Variants in SLC2A9 observed in about 807,000 individuals in gnomAD.
SLC2A9 encodes the protein solute carrier family 2, facilitated glucose transporter member 9.
Under a neutral mutation model 50.6 loss-of-function variants are expected in SLC2A9, and 39 were observed. The ratio of observed to expected loss-of-function variants is 0.77; its 90% CI spans 0.60 to 1.01. The LOEUF (loss-of-function observed/expected upper bound fraction) is 1.01. Ranked by LOEUF, SLC2A9 falls within the 50% of genes least tolerant of loss-of-function variation. The probability of loss-of-function intolerance (pLI) is 0.00; values close to 1 mark genes in which losing one functional copy is unlikely to be tolerated. For synonymous variants in SLC2A9, 324 were observed against 276.9 expected, an observed-to-expected ratio of 1.17 and a Z score of -1.69; for missense variants, 686 against 677.6, an observed-to-expected ratio of 1.01 and a Z score of -0.14.
chr4:10,006,922 A>G (rs79291612), intron 2 of SLC2A9, among the ~76,000 whole-genome samples: 4 of 151,596 alleles, frequency 2.6e-5, no homozygotes, highest in Admixed American at 6.6e-5. Flanking sequence ...CAAGTCTCTA[A>G]TGAGTTTCCT....
At chr4:9,978,541 A>G (rs1336351110) in intron 5 of SLC2A9, among the ~76,000 whole-genome samples, 1 of 152,236 alleles carries the variant, frequency 6.6e-6, no homozygotes, top group East Asian at 1.9e-4. Context: ...TGTTTTTATT[A>G]TCAACATGTG....
At chr4:9,784,701 T>G (rs142425831) in intron 3 of SLC2A9, among the ~76,000 whole-genome samples, 1 of 151,974 alleles carries the variant, frequency 6.6e-6, no homozygotes, top group African/African-American at 2.4e-5. Context: ...CCAAGGGGAG[T>G]GTTTTATTCC....
intron 7 of SLC2A9, among the ~76,000 whole-genome samples, chr4:9,909,039 C>G (rs13108825): frequency 0.4 from 60,814 of 152,022 alleles, 14,189 homozygotes; most frequent in Non-Finnish European, 0.52. Flanking sequence ...AGAAAAGGTC[C>G]CCACTACACA....
At chr4:9,804,038 A>C (rs989918646) in intron 3 of SLC2A9, among the ~76,000 whole-genome samples, 29 of 152,218 alleles carry the variant, frequency 1.9e-4, no homozygotes, top group African/African-American at 6.8e-4. Flanking sequence ...GTGCTCTGCA[A>C]AGTGATCTGA....
rs1324474542 is a variant in SLC2A9 at position 9,781,848 on chromosome 4, C to T, written n.386-1783G>A. 4 of 491,590 alleles carry T rather than the reference C, an allele frequency of 8.1e-6. No individual in the cohort carries two copies. In the East Asian group the frequency reaches 1.3e-4, roughly 16 times the overall value. 30.5% of individuals were successfully genotyped at this position (491,590 alleles called of 1,614,324 possible). A position where few individuals can be genotyped will look rare whatever the true frequency, so the allele number is the denominator to read the frequency against. ...CACGGCCATGGAGCCAGAGGCGCTTCAGGAGGCAAGAGAAGTCCCCGCGCG... is the reference window on the plus strand; with the variant it reads ...CACGGCCATGGAGCCAGAGGCGCTTTAGGAGGCAAGAGAAGTCCCCGCGCG... On this transcript the variant is annotated intron_variant and non_coding_transcript_variant, in intron 3 of 3. Transcript: ENST00000503803.
intron 2 of SLC2A9, among the ~76,000 whole-genome samples, chr4:10,010,025 A>AG (rs1761493986): frequency 6.6e-6 from 1 of 152,218 alleles, no homozygotes; most frequent in South Asian, 2.1e-4. Flanking sequence ...GTGTATGTTA[A>AG]CAAGATAACT....
chr4:9,970,681 A>T (rs74627835), intron 5 of SLC2A9, among the ~76,000 whole-genome samples: 3 of 51,350 alleles, frequency 5.8e-5, no homozygotes, highest in African/African-American at 3.0e-4. Flanking sequence ...ACACAAAATT[A>T]AAAAAAAAAA....
intron 10 of SLC2A9, among the ~76,000 whole-genome samples, chr4:9,855,565 A>T (rs767239618): frequency 6.6e-6 from 1 of 152,178 alleles, no homozygotes; most frequent in Non-Finnish European, 1.5e-5. Context: ...GATTCAATGC[A>T]ATTCATGTCA....
rs1222102656 is a variant in SLC2A9 at position 10,021,449 on chromosome 4, G to C, written c.-20C>G. 1 of 1,614,062 alleles carries C rather than the reference G, an allele frequency of 6.2e-7. No individual in the cohort carries two copies. The highest frequency in any genetic ancestry group is 2.2e-5 in the East Asian group (1 of 44,882). On this transcript the variant is annotated 5_prime_UTR_variant, in exon 1 of 12. The change creates a new upstream start codon in the 5' untranslated region. Transcript: ENST00000264784. ...TGCCATGGGTCTCAGTGACCCAGCT[G>C]ATGGCTCAGTCCAGGGACCCCAGAC...
intron 2 of SLC2A9, among the ~76,000 whole-genome samples, chr4:10,011,720 A>T (rs10939654): frequency 3.9e-5 from 6 of 152,178 alleles, no homozygotes; most frequent in African/African-American, 1.4e-4. Flanking sequence ...AACTATGCCA[A>T]TTGGAGCTAG....
At chr4:9,897,499 G>C (rs1475100185) in intron 8 of SLC2A9, among the ~76,000 whole-genome samples, 2 of 152,128 alleles carry the variant, frequency 1.3e-5, no homozygotes, top group African/African-American at 4.8e-5. Context: ...TTTGGGAATA[G>C]GGTCTTTATT....
downstream of SLC2A9, among the ~76,000 whole-genome samples, chr4:9,798,031 G>C (rs1720807179): frequency 6.6e-6 from 1 of 152,190 alleles, no homozygotes; most frequent in Admixed American, 6.5e-5. Context: ...AGAGGCTGCT[G>C]GGTCCTTAGG....
chr4:9,864,320 A>G (rs1015652025), intron 10 of SLC2A9, among the ~76,000 whole-genome samples: 2 of 150,470 alleles, frequency 1.3e-5, no homozygotes, highest in African/African-American at 2.5e-5. Flanking sequence ...CATGTCCCCA[A>G]AGCTTCTTGA....
chr4:9,792,533 G>A (rs1278382021), intron 3 of SLC2A9, among the ~76,000 whole-genome samples: 2 of 151,956 alleles, frequency 1.3e-5, no homozygotes, highest in Non-Finnish European at 2.9e-5. Context: ...AGCTAACATT[G>A]TTGCTAAAGA....
At chr4:9,878,950 T>C in intron 10 of SLC2A9, 4 of 738,546 alleles carry the variant, frequency 5.4e-6, no homozygotes, top group Non-Finnish European at 6.6e-6. Context: ...ACACATTTGG[T>C]GTGAGCTGTG....
chr4:9,787,538 T>C (rs1337006472), intron 3 of SLC2A9, among the ~76,000 whole-genome samples: 1 of 152,240 alleles, frequency 6.6e-6, no homozygotes, highest in Non-Finnish European at 1.5e-5. Context: ...TCTGAATATT[T>C]TGTTGCATAT....
intron 7 of SLC2A9, among the ~76,000 whole-genome samples, chr4:9,916,672 T>C (rs1373916167): frequency 6.6e-6 from 1 of 152,188 alleles, no homozygotes; most frequent in Non-Finnish European, 1.5e-5. Flanking sequence ...GAAGTGACTA[T>C]GATTGGCTTC....
chr4:9,856,958 G>A lies in SLC2A9; in HGVS notation c.1292-21950C>T, dbSNP rs572879366. Among the ~76,000 whole-genome samples the A allele has an allele frequency of 2.6e-5, 4 of 152,264 alleles. No individual in the cohort carries two copies. The South Asian group carries it at 8.3e-4, about 32-fold the overall frequency. ...GGAACAATGACACTGTGGCCTACTT[G>A]AGGGTGAGGGATGGGAGGAGGGTGA... On this transcript the variant is annotated intron_variant, in intron 10 of 11. Coordinates refer to ENST00000264784, the MANE Select transcript of SLC2A9 (RefSeq NM_020041.3).
At chr4:9,942,067 C>T (rs780401164) in intron 5 of SLC2A9, 22 bp from the exon 6 acceptor site, 5 of 1,613,716 alleles carry the variant, frequency 3.1e-6, no homozygotes, top group Non-Finnish European at 4.2e-6. Context: ...GGAGATGCTG[C>T]TGAGTGCAGT....
Sources: allele counts gnomAD v4.1 joint callset (sites outside exome capture counted in the v4.1 genomes callset), GRCh38; gene constraint gnomAD v4.1.1; transcripts MANE v1.5; gene names NCBI Gene and HGNC (gene_info 2026-07-23, HGNC 2026-07-21).